Variants in SLC38A9 observed in about 807,000 individuals in gnomAD.
The protein encoded by SLC38A9 is neutral amino acid transporter 9.
In SLC38A9, 48 loss-of-function variants were observed where a neutral mutation model predicts 62.3. That is an observed-to-expected ratio of 0.77 (90% CI 0.61 to 0.98). The LOEUF is 0.98. SLC38A9 is among the 50% of genes least tolerant of loss of function. SLC38A9 has a pLI of 0.00. For missense variants in SLC38A9, 541 were observed against 679.8 expected, an observed-to-expected ratio of 0.80 and a Z score of 2.27; for synonymous variants, 204 against 227.7, an observed-to-expected ratio of 0.90 and a Z score of 0.94.
intron 14 of SLC38A9, among the ~76,000 whole-genome samples, chr5:55,633,104 C>T (rs1471235782): frequency 1.3e-5 from 2 of 151,932 alleles, no homozygotes. Flanking sequence ...CGGGCTCAAA[C>T]GATCCTCCTC....
chr5:55,698,263 A>G (rs573685351), intron 2 of SLC38A9, among the ~76,000 whole-genome samples: 2 of 150,036 alleles, frequency 1.3e-5, no homozygotes, highest in East Asian at 3.9e-4. Context: ...CGGAAAAAAA[A>G]CTAAAAATAC....
intron 12 of SLC38A9, among the ~76,000 whole-genome samples, chr5:55,638,136 GT>G (rs1744763524): frequency 6.6e-6 from 1 of 152,166 alleles, no homozygotes; most frequent in Non-Finnish European, 1.5e-5. Context: ...CTGCATATGT[GT>G]TTTCATCTGA....
intron 2 of SLC38A9, among the ~76,000 whole-genome samples, chr5:55,705,466 A>G (rs1757174703): frequency 6.6e-6 from 1 of 151,098 alleles, no homozygotes; most frequent in Admixed American, 6.6e-5. Context: ...GAAAGAAAGA[A>G]AAAGAAAGAA....
intron 3 of SLC38A9, among the ~76,000 whole-genome samples, chr5:55,690,723 T>A (rs951743267): frequency 1.3e-5 from 2 of 151,342 alleles, no homozygotes; most frequent in African/African-American, 2.4e-5. Context: ...TATTAATAGA[T>A]AAACTCTTCA....
At chr5:55,705,537 G>A (rs979758000) in intron 2 of SLC38A9, among the ~76,000 whole-genome samples, 4 of 151,678 alleles carry the variant, frequency 2.6e-5, no homozygotes, top group Non-Finnish European at 5.9e-5. Flanking sequence ...AACCATACTT[G>A]GGATTGAAAC....
At chr5:55,664,661 CTG>C in intron 8 of SLC38A9, 30 bp downstream of exon 8, 1 of 1,209,570 alleles carries the variant, frequency 8.3e-7, no homozygotes, top group Non-Finnish European at 1.1e-6. Context: ...TTTGAAAGTA[CTG>C]TGTTAAAAGC....
At chr5:55,656,910 G>C (rs967473944) in intron 8 of SLC38A9, 136 bp from the exon 9 acceptor site, 106 of 385,536 alleles carry the variant, frequency 2.7e-4, no homozygotes, top group African/African-American at 2.1e-3. Context: ...GCCCAGGCTA[G>C]AGTGCAGTGG....
At chr5:55,685,922 C>T (rs191524031) in intron 3 of SLC38A9, among the ~76,000 whole-genome samples, 2 of 152,220 alleles carry the variant, frequency 1.3e-5, no homozygotes, top group Admixed American at 6.5e-5. Context: ...CTAAGGATAA[C>T]GGCCTCTAGC....
intron 14 of SLC38A9, among the ~76,000 whole-genome samples, chr5:55,632,217 T>C (rs947100709): frequency 3.9e-5 from 6 of 152,004 alleles, no homozygotes; most frequent in Middle Eastern, 3.2e-3. Flanking sequence ...GCGGGCGGAT[T>C]ACAAGGTCAG....
intron 3 of SLC38A9, among the ~76,000 whole-genome samples, chr5:55,676,164 T>G (rs926765206): frequency 6.6e-6 from 1 of 152,152 alleles, no homozygotes; most frequent in Non-Finnish European, 1.5e-5. Context: ...GGCTTTATTA[T>G]TCTTTCTTTC....
Position 55,633,784 on chromosome 5 carries a change from A to G in SLC38A9, c.1400T>C (p.Leu467Ser). The G allele has an allele frequency of 6.2e-7, 1 of 1,614,170 alleles. No individual in the cohort carries two copies. Among genetic ancestry groups the G allele is most frequent in the South Asian group, 1.1e-5 (1 of 91,076 alleles). ...ATAAATGTCACCGAAGATATGGCCC[A>G]AAAGCTGGACACGAGCCAGGTAGCC... is the stretch of plus-strand genomic sequence containing the variant. Reference protein sequence around the residue: ...LLGYLARVQLLGHIFGDIYPS... With the variant: ...LLGYLARVQLSGHIFGDIYPS... The change falls in exon 14 of 16, where the codon TTG (leucine) becomes TCG (serine). Residue 467 changes from leucine to serine, a missense_variant. Leu to Ser is a moderately radical substitution (Grantham distance 145). Transcript: ENST00000396865.
At chr5:55,667,341 G>A (rs1296157967) in intron 7 of SLC38A9, among the ~76,000 whole-genome samples, 2 of 152,028 alleles carry the variant, frequency 1.3e-5, no homozygotes, top group Non-Finnish European at 2.9e-5. Flanking sequence ...TTTTAGAATG[G>A]TGCCGGTACT....
intron 12 of SLC38A9, among the ~76,000 whole-genome samples, chr5:55,644,731 T>C (rs1160232744): frequency 2.0e-5 from 3 of 152,110 alleles, no homozygotes; most frequent in Admixed American, 6.5e-5. Context: ...ATTATTATTA[T>C]TATACTTTAA....
chr5:55,645,997 C>G, intron 11 of SLC38A9, 102 bp from the exon 12 acceptor site: 1 of 703,892 alleles, frequency 1.4e-6, no homozygotes, highest in Non-Finnish European at 2.4e-6. Flanking sequence ...CTGTTTTATC[C>G]AGGGAATAAG....
intron 10 of SLC38A9, among the ~76,000 whole-genome samples, chr5:55,650,382 G>A (rs1747172427): frequency 6.6e-6 from 1 of 152,172 alleles, no homozygotes; most frequent in African/African-American, 2.4e-5. Context: ...AAGAGAAAGG[G>A]AAAGTACCAA....
chr5:55,654,969 C>T (rs989040110), intron 9 of SLC38A9, among the ~76,000 whole-genome samples: 2 of 152,064 alleles, frequency 1.3e-5, no homozygotes, highest in African/African-American at 4.8e-5. Flanking sequence ...TCCCGAGTAG[C>T]TCGGACTACA....
intron 7 of SLC38A9, among the ~76,000 whole-genome samples, chr5:55,667,814 C>T (rs942237095): frequency 3.9e-5 from 6 of 151,976 alleles, no homozygotes; most frequent in Non-Finnish European, 5.9e-5. Flanking sequence ...ACTGCAAGCT[C>T]CACTTCCTGG....
intron 4 of SLC38A9, among the ~76,000 whole-genome samples, chr5:55,671,411 C>G (rs1269676301): frequency 6.6e-6 from 1 of 151,782 alleles, no homozygotes; most frequent in Non-Finnish European, 1.5e-5. Context: ...CATTTAGTAT[C>G]TGGCTCTTTG....
intron 3 of SLC38A9, among the ~76,000 whole-genome samples, chr5:55,685,710 A>G (rs1753701087): frequency 6.6e-6 from 1 of 152,008 alleles, no homozygotes; most frequent in Non-Finnish European, 1.5e-5. Flanking sequence ...GGTTTGTTGT[A>G]CAGATTATTT....
Sources: gnomAD v4.1 joint callset for allele counts (sites outside exome capture counted in the v4.1 genomes callset) on GRCh38, gnomAD v4.1.1 for gene constraint, MANE v1.5 for transcripts, NCBI Gene and HGNC (gene_info 2026-07-23, HGNC 2026-07-21) for gene names.